Variants in CDKL5 observed in about 807,000 individuals in gnomAD.
CDKL5 encodes the protein cyclin dependent kinase like 5, also known as cyclin-dependent kinase-like 5.
A neutral mutation model predicts 61.7 loss-of-function variants in CDKL5; 8 were observed. The observed-to-expected ratio is 0.13, with a 90% CI of 0.08 to 0.23. The LOEUF (loss-of-function observed/expected upper bound fraction) is 0.23. Among genes scored for constraint, CDKL5 ranks in the 10% least tolerant of loss-of-function variants. CDKL5 has a pLI of 1.00. For missense variants in CDKL5, 440 were observed against 734.5 expected (o/e 0.60, Z 4.63); for synonymous variants, 275 against 272.3 (o/e 1.01, Z -0.10).
chrX:18,585,793 T>C (rs1217129453), intron 8 of CDKL5, among the ~76,000 whole-genome samples: 6 of 112,168 alleles, frequency 5.3e-5, no homozygotes, highest in African/African-American at 1.9e-4. Flanking sequence ...ATAGTGATAA[T>C]GATGACAAGT....
chrX:18,634,753 C>A lies in CDKL5; in HGVS notation c.*5996C>A. The A allele has an allele frequency of 1.3e-6, 1 of 753,148 alleles. No homozygotes were observed. The highest frequency in any genetic ancestry group is 1.6e-6 in the Non-Finnish European group (1 of 638,827). 62.1% of individuals were successfully genotyped at this position (753,148 alleles called of 1,213,427 possible). The stretch of plus-strand genomic sequence containing the variant: ...GATTAACAGAAACAATTAAACCAAA[C>A]AAAATCATTGCCCCAAATTTCTATC... On this transcript the variant is annotated 3_prime_UTR_variant, in exon 18 of 18. Transcript: ENST00000623535.
intron 3 of CDKL5, among the ~76,000 whole-genome samples, chrX:18,530,789 G>A (rs181191454): frequency 9.0e-6 from 1 of 111,641 alleles, no homozygotes; most frequent in East Asian, 2.8e-4. Flanking sequence ...TAGGCCTTTA[G>A]TGTAAGGTTA....
chrX:18,426,035 C>T (rs1931357414), intron 1 of CDKL5, among the ~76,000 whole-genome samples: 1 of 111,563 alleles, frequency 9.0e-6, no homozygotes, highest in Non-Finnish European at 1.9e-5. Context: ...GGCGTCCCCG[C>T]CCCGCCGCTC....
chrX:18,642,587 G>T (rs1040969591), downstream of CDKL5, among the ~76,000 whole-genome samples: 1 of 111,808 alleles, frequency 8.9e-6, no homozygotes, highest in Non-Finnish European at 1.9e-5. Flanking sequence ...TTTTGAAAAG[G>T]CCCACATCAC....
intron 1 of CDKL5, among the ~76,000 whole-genome samples, chrX:18,492,285 ATTTG>A (rs1313669623): frequency 9.0e-6 from 1 of 111,177 alleles, no homozygotes; most frequent in Non-Finnish European, 1.9e-5. Context: ...TCTCTGAACT[ATTTG>A]TTCATATCAC....
intron 11 of CDKL5, among the ~76,000 whole-genome samples, chrX:18,603,107 C>T (rs1476406093): frequency 9.0e-6 from 1 of 111,593 alleles, no homozygotes; most frequent in Non-Finnish European, 1.9e-5. Context: ...AGGGCTCAGT[C>T]GGTCTAGGAT....
chrX:18,631,988 A>C lies in CDKL5; in HGVS notation c.*3231A>C. Reference sequence around the variant, plus strand: ...GGGGAGGTGATGGTATGCTACTGGCATCAAGTGGTTAGAGGCCACAGATGC... The same window carrying C: ...GGGGAGGTGATGGTATGCTACTGGCCTCAAGTGGTTAGAGGCCACAGATGC... On this transcript the variant is annotated 3_prime_UTR_variant, in exon 18 of 18. Coordinates refer to ENST00000623535, the MANE Select transcript of CDKL5 (RefSeq NM_001323289.2). The C allele has an allele frequency of 3.4e-6, 2 of 584,573 alleles. No homozygotes were observed. Among genetic ancestry groups the C allele is most frequent in the Non-Finnish European group, 4.1e-6 (2 of 484,262 alleles). The allele number at this position is 584,573 out of a possible 1,213,427, so 48.2% of individuals were successfully genotyped here.
intron 2 of CDKL5, among the ~76,000 whole-genome samples, chrX:18,509,215 A>G (rs1012191250): frequency 4.7e-4 from 48 of 102,245 alleles, no homozygotes; most frequent in African/African-American, 1.5e-3. Context: ...ACACACACAC[A>G]CACACACACA....
intron 2 of CDKL5, 75 bp downstream of exon 2, chrX:18,507,235 A>G (rs1439179999): frequency 4.7e-5 from 31 of 658,484 alleles, no homozygotes; most frequent in Non-Finnish European, 7.9e-5. Flanking sequence ...AAAAGTTACT[A>G]ATTAGATCCT....
intron 3 of CDKL5, among the ~76,000 whole-genome samples, chrX:18,537,201 TCA>T (rs1401721284): frequency 1.8e-5 from 2 of 111,519 alleles, no homozygotes; most frequent in East Asian, 2.8e-4. Context: ...TGAGGAATAA[TCA>T]CAGTTATTTA....
At chrX:18,624,049 T>C in intron 16 of CDKL5, 1 of 670,133 alleles carries the variant, frequency 1.5e-6, no homozygotes. Flanking sequence ...CCAGTAAACT[T>C]GTTTTACTGA....
intron 5 of CDKL5, among the ~76,000 whole-genome samples, 188 bp from the exon 6 acceptor site, chrX:18,579,659 GA>G (rs1330956377): frequency 1.8e-5 from 2 of 110,616 alleles, no homozygotes; most frequent in Admixed American, 9.7e-5. Flanking sequence ...AGTAAAAATG[GA>G]ATTCCTCATA....
chrX:18,508,025 T>TA (rs771972023), intron 2 of CDKL5, among the ~76,000 whole-genome samples: 1 of 110,383 alleles, frequency 9.1e-6, no homozygotes, highest in Admixed American at 9.7e-5. Context: ...AACTGACTCC[T>TA]AAAAAAAAAT....
intron 1 of CDKL5, among the ~76,000 whole-genome samples, chrX:18,493,376 A>G (rs970786271): frequency 2.7e-5 from 3 of 112,355 alleles, no homozygotes; most frequent in African/African-American, 9.7e-5. Flanking sequence ...CTCTCAAAAC[A>G]TTGAATGATT....
intron 1 of CDKL5, among the ~76,000 whole-genome samples, chrX:18,491,967 T>C (rs979528322): frequency 9.0e-6 from 1 of 111,449 alleles, no homozygotes; most frequent in Non-Finnish European, 1.9e-5. Flanking sequence ...GTGAATAATG[T>C]ATGTATACAT....
rs1277995449 is a variant in CDKL5, at chrX:18,634,665, G to A, written c.*5908G>A. On this transcript the variant is annotated 3_prime_UTR_variant, in exon 18 of 18. Coordinates refer to ENST00000623535, the MANE Select transcript of CDKL5 (RefSeq NM_001323289.2). ...CTTGTTTACTCTTTGGTCACCGATC[G>A]AGTCAGGCTAGAGGGGTAATACGGT... 4 of 753,634 alleles carry A rather than the reference G, an allele frequency of 5.3e-6. No individual in the cohort carries two copies. The highest frequency in any genetic ancestry group is 1.5e-4 in the East Asian group (1 of 6,639). The allele number at this position is 753,634 out of a possible 1,213,427, so 62.1% of individuals were successfully genotyped here.
At position 18,604,375 on chromosome X, in the gene CDKL5, C is replaced by T; in HGVS notation, c.1451C>T (p.Thr484Ile). 1 of 1,209,678 alleles carries T rather than the reference C, an allele frequency of 8.3e-7. No individual in the cohort carries two copies. The highest frequency in any genetic ancestry group is 1.1e-6 in the Non-Finnish European group (1 of 894,051). ...TCCTCTAGGAGTCCCTCCTACAGGA[C>T]CAAGGCCAAAAGCCATGGGGCACTG... Reference protein sequence around the residue: ...PQSSRSPSYRTKAKSHGALSD... With the variant: ...PQSSRSPSYRIKAKSHGALSD... The change falls in exon 12 of 18, where the codon ACC becomes ATC. Residue 484 changes from threonine (T) to isoleucine (I), a missense_variant. Coordinates refer to ENST00000623535, the MANE Select transcript of CDKL5 (RefSeq NM_001323289.2).
chrX:18,597,257 A>G (rs1204679016), intron 10 of CDKL5, among the ~76,000 whole-genome samples: 1 of 110,680 alleles, frequency 9.0e-6, no homozygotes, highest in Non-Finnish European at 1.9e-5. Context: ...AAAATGAAAA[A>G]TACCAATTAT....
chrX:18,548,861 A>C (rs1924289057), intron 3 of CDKL5, among the ~76,000 whole-genome samples: 1 of 112,245 alleles, frequency 8.9e-6, no homozygotes, highest in Non-Finnish European at 1.9e-5. Flanking sequence ...GCCTGTTCTA[A>C]AGCAGCCATA....
Sources: gnomAD v4.1 joint callset for allele counts (sites outside exome capture counted in the v4.1 genomes callset) on GRCh38, gnomAD v4.1.1 for gene constraint, MANE v1.5 for transcripts, NCBI Gene and HGNC (gene_info 2026-07-23, HGNC 2026-07-21) for gene names.